SMYD3: variants seen among roughly 807,000 people sequenced by gnomAD.
SMYD3 encodes the protein histone-lysine N-methyltransferase SMYD3.
SMYD3 carries 36 observed loss-of-function variants against 57.7 expected under a neutral mutation model. The observed-to-expected ratio is 0.62, with a 90% confidence interval of 0.48 to 0.82. The LOEUF (loss-of-function observed/expected upper bound fraction) is 0.82, where lower values mean the gene tolerates loss of function less well. Ranked by LOEUF, SMYD3 falls within the 40% of genes least tolerant of loss-of-function variation. SMYD3 has a pLI of 0.00. For synonymous variants in SMYD3, 211 were observed against 195.0 expected, an observed-to-expected ratio of 1.08 and a Z score of -0.68; for missense variants, 515 against 538.8, an observed-to-expected ratio of 0.96 and a Z score of 0.44.
intron 10 of SMYD3, among the ~76,000 whole-genome samples, chr1:245,804,426 C>A (rs542698015): frequency 6.6e-6 from 1 of 151,952 alleles, no homozygotes; most frequent in Non-Finnish European, 1.5e-5. Context: ...ACTAAAAATA[C>A]GGGCGCCTGT....
At chr1:245,859,407 C>T (rs1558430276) in intron 9 of SMYD3, among the ~76,000 whole-genome samples, 1 of 152,230 alleles carries the variant, frequency 6.6e-6, no homozygotes, top group Non-Finnish European at 1.5e-5. Flanking sequence ...TCAATGTCCA[C>T]TTCTCAGTAA....
At chr1:245,758,458 T>C (rs757787492) in intron 11 of SMYD3, among the ~76,000 whole-genome samples, 32 of 152,214 alleles carry the variant, frequency 2.1e-4, no homozygotes, top group Non-Finnish European at 3.7e-4. Flanking sequence ...TTAGATCTTT[T>C]GTTACTGATT....
At chr1:245,995,005 G>A (rs1299549515) in intron 5 of SMYD3, among the ~76,000 whole-genome samples, 12 of 152,064 alleles carry the variant, frequency 7.9e-5, no homozygotes, top group Admixed American at 7.9e-4. Context: ...TGCGCCTGTA[G>A]TCCAAGCTAC....
chr1:245,851,944 GCAATGAATGGGTCACCT>G, intron 10 of SMYD3, among the ~76,000 whole-genome samples: 1 of 152,208 alleles, frequency 6.6e-6, no homozygotes, highest in Admixed American at 6.5e-5. Flanking sequence ...CATGTTGGAA[GCAATGAATGGGTCACCT>G]CCCCTTCCCA....
At chr1:246,217,821 G>A (rs892313260) in intron 5 of SMYD3, among the ~76,000 whole-genome samples, 1 of 152,104 alleles carries the variant, frequency 6.6e-6, no homozygotes, top group Non-Finnish European at 1.5e-5. Context: ...GTCAAATGCT[G>A]GTGAAGATGG....
chr1:245,815,829 T>C (rs1461614638), intron 10 of SMYD3, among the ~76,000 whole-genome samples: 1 of 152,224 alleles, frequency 6.6e-6, no homozygotes, highest in Admixed American at 6.5e-5. Context: ...CTTTGAAGTG[T>C]TTCACAGCCT....
intron 5 of SMYD3, among the ~76,000 whole-genome samples, chr1:246,234,595 G>C (rs201081016): frequency 1.4e-4 from 12 of 87,526 alleles, no homozygotes; most frequent in East Asian, 8.7e-4. Context: ...TAGGGGAGAA[G>C]CACTCCTTCA....
At chr1:246,109,527 T>A (rs7535917) in intron 5 of SMYD3, among the ~76,000 whole-genome samples, 24,759 of 152,206 alleles carry the variant, frequency 0.16, 3,595 homozygotes, top group African/African-American at 0.39. Context: ...AAGGAATTTT[T>A]AAAAATTGCC....
chr1:246,166,161 C>G (rs2062206823), intron 5 of SMYD3, among the ~76,000 whole-genome samples: 1 of 152,020 alleles, frequency 6.6e-6, no homozygotes. Context: ...GGATTTAGTG[C>G]AGTGTATGTG....
At chr1:246,061,191 C>A (rs905771440) in intron 5 of SMYD3, among the ~76,000 whole-genome samples, 4 of 152,142 alleles carry the variant, frequency 2.6e-5, no homozygotes, top group Admixed American at 2.6e-4. Context: ...CCACTGCACT[C>A]CAGCCTGGGT....
At chr1:246,394,011 A>G (rs2066615375) in intron 1 of SMYD3, among the ~76,000 whole-genome samples, 3 of 152,214 alleles carry the variant, frequency 2.0e-5, no homozygotes, top group African/African-American at 7.2e-5. Context: ...CTTTGCTTTT[A>G]TTTCACAGAA....
At chr1:246,019,933 A>G (rs2059442005) in intron 5 of SMYD3, among the ~76,000 whole-genome samples, 1 of 152,262 alleles carries the variant, frequency 6.6e-6, no homozygotes. Flanking sequence ...TATGTAAGAT[A>G]TATTAGAAAG....
chr1:245,842,868 G>GC (rs1220657343), intron 10 of SMYD3, among the ~76,000 whole-genome samples: 1 of 151,956 alleles, frequency 6.6e-6, no homozygotes, highest in East Asian at 1.9e-4. Context: ...ACCCTACCAT[G>GC]CCCAGCTAAT....
intron 5 of SMYD3, among the ~76,000 whole-genome samples, chr1:246,311,719 T>G (rs184218541): frequency 1.3e-5 from 2 of 152,384 alleles, no homozygotes; most frequent in Admixed American, 6.5e-5. Flanking sequence ...AATTGTCATT[T>G]GCTTTCATGA....
intron 5 of SMYD3, among the ~76,000 whole-genome samples, chr1:246,031,752 AGT>A (rs1300434534): frequency 6.6e-6 from 1 of 151,596 alleles, no homozygotes; most frequent in Non-Finnish European, 1.5e-5. Context: ...AAAAAAAAAA[AGT>A]TAGTGAAGAA....
intron 1 of SMYD3, among the ~76,000 whole-genome samples, chr1:246,426,518 T>C (rs1024774657): frequency 2.6e-5 from 4 of 152,228 alleles, no homozygotes; most frequent in African/African-American, 9.7e-5. Flanking sequence ...TGACATGCGG[T>C]CTTTTATGTC....
intron 1 of SMYD3, among the ~76,000 whole-genome samples, chr1:246,475,397 C>G (rs2103053262): frequency 6.6e-6 from 1 of 151,564 alleles, no homozygotes; most frequent in South Asian, 2.1e-4. Flanking sequence ...AATCACAGCA[C>G]TTTGGGAGGC....
At chr1:245,905,871 G>T (rs758415480) in intron 8 of SMYD3, among the ~76,000 whole-genome samples, 19 of 152,302 alleles carry the variant, frequency 1.2e-4, no homozygotes, top group Non-Finnish European at 2.6e-4. Flanking sequence ...ACTAATTTTT[G>T]ATAAAAGTGC....
In SMYD3 at chr1:246,327,452, G is replaced by T. The variant is rs2065375657; in HGVS notation, c.395-115C>A. The T allele has an allele frequency of 1.1e-5, 10 of 887,816 alleles. No homozygotes were observed. The East Asian group carries it at 2.6e-4, about 23-fold the overall frequency. 55.0% of individuals were successfully genotyped at this position (887,816 alleles called of 1,614,324 possible). ...TATTTCCTACCTTACATTGGATTTT[G>T]ACAAAGAGCAAATACATATTGTTTT... On this transcript the variant is annotated intron_variant, in intron 4 of 11. Coordinates refer to ENST00000490107, the MANE Select transcript of SMYD3 (RefSeq NM_001167740.2).
Sources: allele counts gnomAD v4.1 joint callset (sites outside exome capture counted in the v4.1 genomes callset), GRCh38; gene constraint gnomAD v4.1.1; transcripts MANE v1.5; gene names NCBI Gene and HGNC (gene_info 2026-07-23, HGNC 2026-07-21).